Variants in NDST3 observed in about 807,000 individuals in gnomAD.
NDST3 encodes N-deacetylase and N-sulfotransferase 3, also known as bifunctional heparan sulfate N-deacetylase/N-sulfotransferase 3.
In NDST3, 58 loss-of-function variants were observed where a neutral mutation model predicts 96.1. The ratio of observed to expected loss-of-function variants is 0.60; its 90% CI spans 0.49 to 0.75. NDST3 has a LOEUF of 0.75. NDST3 is among the 30% of genes least tolerant of loss of function. NDST3 has a pLI of 0.00. For missense variants in NDST3, 788 were observed against 1,034.2 expected, an observed-to-expected ratio of 0.76 and a Z score of 3.27; for synonymous variants, 333 against 359.7, an observed-to-expected ratio of 0.93 and a Z score of 0.84.
chr4:118,218,308 A>T (rs535252673), intron 6 of NDST3, among the ~76,000 whole-genome samples: 2 of 152,242 alleles, frequency 1.3e-5, no homozygotes, highest in South Asian at 4.1e-4. Flanking sequence ...ATACTGACAA[A>T]CCAGATCCAG....
At chr4:118,144,300 C>T (rs536437589) in intron 6 of NDST3, among the ~76,000 whole-genome samples, 10 of 152,176 alleles carry the variant, frequency 6.6e-5, no homozygotes, top group African/African-American at 2.4e-4. Context: ...CCTGCCTCAG[C>T]CTCCCGAGTA....
chr4:118,201,598 G>T (rs1431372744), intron 6 of NDST3, among the ~76,000 whole-genome samples: 1 of 152,104 alleles, frequency 6.6e-6, no homozygotes, highest in Non-Finnish European at 1.5e-5. Context: ...AGAAGTATGT[G>T]TTCATGTCCT....
chr4:118,190,343 A>C, intron 6 of NDST3, among the ~76,000 whole-genome samples: 1 of 152,224 alleles, frequency 6.6e-6, no homozygotes, highest in East Asian at 1.9e-4. Context: ...GTCAAGGTAT[A>C]TAGAATTAAA....
rs946735744 is a variant in NDST3 at position 118,135,216 on chromosome 4, G to A, written c.1225-2838G>A. The stretch of plus-strand genomic sequence containing the variant: ...AATGACTCACAAGCTGGAACTACTC[G>A]GCAGTGGCTGAGCATATTTGGAGGA... On this transcript the variant is annotated intron_variant, in intron 4 of 13. Transcript: ENST00000296499. Among the ~76,000 whole-genome samples the A allele has an allele frequency of 6.6e-5, 10 of 152,234 alleles. 1 individual carries two copies. In the East Asian group the frequency reaches 1.7e-3, roughly 26 times the overall value.
At chr4:118,143,466 T>C (rs867038662) in intron 5 of NDST3, 90 bp from the exon 6 acceptor site, 8 of 1,341,862 alleles carry the variant, frequency 6.0e-6, no homozygotes, top group Admixed American at 2.3e-5. Flanking sequence ...CACTAGCTTG[T>C]GCATCATCTT....
intron 5 of NDST3, among the ~76,000 whole-genome samples, chr4:118,139,286 A>G (rs1296279394): frequency 6.6e-6 from 1 of 152,210 alleles, no homozygotes; most frequent in Non-Finnish European, 1.5e-5. Flanking sequence ...GACCTGGGAT[A>G]TATTTTTTCA....
chr4:118,069,791 C>T (rs901214397), intron 2 of NDST3, among the ~76,000 whole-genome samples: 2 of 131,232 alleles, frequency 1.5e-5, no homozygotes, highest in African/African-American at 5.1e-5. Context: ...CAATCGTTTT[C>T]CATTGGAGTG....
intron 8 of NDST3, among the ~76,000 whole-genome samples, chr4:118,229,834 T>G (rs776582564): frequency 5.3e-5 from 8 of 152,234 alleles, no homozygotes; most frequent in Non-Finnish European, 8.8e-5. Context: ...ATCTCATGTA[T>G]GTAATTGAGA....
In NDST3 at chr4:118,054,593, C is replaced by T; in HGVS notation, c.683C>T (p.Ser228Leu). The T allele has an allele frequency of 6.2e-7, 1 of 1,613,328 alleles. No individual in the cohort carries two copies. The highest frequency in any genetic ancestry group is 8.5e-7 in the Non-Finnish European group (1 of 1,179,484). Residue 228 changes from serine to leucine, a missense_variant, in exon 2 of 14, where the codon TCA becomes TTA. Physicochemically the swap from Ser to Leu is moderately radical, Grantham distance 145. Around this residue, in one of 3 missense-constraint regions of NDST3, gnomAD observed 490 missense variants for 708.8 expected, o/e 0.69. Coordinates refer to ENST00000296499, the MANE Select transcript of NDST3 (RefSeq NM_004784.3). ...TDWTVFQINH[S>L]AYQPVIFAKV... Reference sequence around the variant, plus strand: ...TGGACAGTTTTTCAGATTAATCATTCAGCCTATCAACCAGTAATATTTGCC... The same window carrying T: ...TGGACAGTTTTTCAGATTAATCATTTAGCCTATCAACCAGTAATATTTGCC...
intron 2 of NDST3, among the ~76,000 whole-genome samples, chr4:118,084,021 T>C (rs1054864253): frequency 5.3e-5 from 8 of 152,196 alleles, no homozygotes; most frequent in African/African-American, 1.9e-4. Context: ...TCCACCTGTA[T>C]TCTTCTAAAA....
rs1023008104 is a variant in NDST3 at position 118,049,374 on chromosome 4, A to G, written c.-155-4382A>G. Among the ~76,000 whole-genome samples, 5 of 152,064 alleles carry G rather than the reference A, an allele frequency of 3.3e-5. No homozygotes were observed. In the South Asian group the frequency reaches 1.0e-3, roughly 32 times the overall value. On this transcript the variant is annotated intron_variant, in intron 1 of 13. Transcript: ENST00000296499. ...CAGAAAAAAATAAATAACTAATATT[A>G]AAGAAGAATTAAATGAAATTGAGAT...
chr4:118,221,261 T>C (rs1164128198), intron 6 of NDST3, among the ~76,000 whole-genome samples: 1 of 152,058 alleles, frequency 6.6e-6, no homozygotes, highest in African/African-American at 2.4e-5. Context: ...ACTCTTTTCA[T>C]GAACAAAACT....
intron 2 of NDST3, among the ~76,000 whole-genome samples, chr4:118,069,268 T>A (rs919163735): frequency 5.9e-5 from 9 of 152,040 alleles, no homozygotes; most frequent in Non-Finnish European, 1.2e-4. Flanking sequence ...TAATTATACT[T>A]CAGGTTTAAT....
chr4:118,222,658 C>T (rs956588283), intron 6 of NDST3, among the ~76,000 whole-genome samples: 1 of 151,968 alleles, frequency 6.6e-6, no homozygotes, highest in African/African-American at 2.4e-5. Context: ...TTTTCTTTTA[C>T]AGGACTAAGT....
Position 118,233,075 on chromosome 4 carries a change from C to T in NDST3, c.1883C>T (p.Pro628Leu), listed in dbSNP as rs1396449240. ...TCCATCCTTAGTAACTCCCCCAGCC[C>T]AAAAACCTTTGAGGAGGTACAGTTC... is the stretch of plus-strand genomic sequence containing the variant. ...HPSILSNSPS[P>L]KTFEEVQFFN... The change falls in exon 9 of 14, where the codon CCA becomes CTA. Residue 628 changes from proline (P) to leucine (L), a missense_variant. Pro to Leu is a moderately conservative substitution (Grantham distance 98). Transcript: ENST00000296499. The T allele has an allele frequency of 6.2e-7, 1 of 1,612,656 alleles. No homozygotes were observed. Among genetic ancestry groups the T allele is most frequent in the Non-Finnish European group, 8.5e-7 (1 of 1,178,956 alleles).
intron 10 of NDST3, among the ~76,000 whole-genome samples, 200 bp downstream of exon 10, chr4:118,237,420 T>G (rs1467437771): frequency 6.6e-6 from 1 of 152,050 alleles, no homozygotes. Flanking sequence ...TTTTATTAAC[T>G]TAATCAATTA....
intron 8 of NDST3, among the ~76,000 whole-genome samples, chr4:118,229,157 C>G (rs929797359): frequency 1.3e-5 from 2 of 152,052 alleles, no homozygotes; most frequent in African/African-American, 4.8e-5. Context: ...AAAAACTAGC[C>G]AGGCGTGGTG....
intron 2 of NDST3, among the ~76,000 whole-genome samples, chr4:118,060,157 T>A (rs570446270): frequency 6.6e-6 from 1 of 152,242 alleles, no homozygotes; most frequent in Non-Finnish European, 1.5e-5. Flanking sequence ...GTATCCCTGA[T>A]GCTACCAAAA....
At chr4:118,039,676 G>A (rs1560602714) in intron 1 of NDST3, among the ~76,000 whole-genome samples, 1 of 152,092 alleles carries the variant, frequency 6.6e-6, no homozygotes, top group African/African-American at 2.4e-5. Flanking sequence ...TGTGAGGCAG[G>A]GATATATATA....
Sources: gnomAD v4.1 joint callset for allele counts (sites outside exome capture counted in the v4.1 genomes callset) on GRCh38, gnomAD v4.1.1 for gene constraint, gnomAD v4.1.1 regional missense constraint, MANE v1.5 for transcripts, NCBI Gene and HGNC (gene_info 2026-07-23, HGNC 2026-07-21) for gene names.